Variants in GREB1L observed in about 807,000 individuals in gnomAD.
The protein encoded by GREB1L is GREB1 like retinoic acid receptor coactivator, also known as GREB1-like protein.
GREB1L carries 17 observed loss-of-function variants against 200.8 expected under a neutral mutation model. The observed-to-expected ratio is 0.08, with a 90% CI of 0.06 to 0.13. GREB1L has a LOEUF of 0.13. GREB1L is among the 10% of genes least tolerant of loss of function. GREB1L has a pLI of 1.00. For missense variants in GREB1L, 1,657 were observed against 2,367.7 expected, an observed-to-expected ratio of 0.70 and a Z score of 6.23; for synonymous variants, 789 against 893.0, an observed-to-expected ratio of 0.88 and a Z score of 2.08.
chr18:21,281,508 TC>T (rs2038268669), intron 1 of GREB1L, among the ~76,000 whole-genome samples: 1 of 152,218 alleles, frequency 6.6e-6, no homozygotes, highest in Non-Finnish European at 1.5e-5. Flanking sequence ...TACTCATGTA[TC>T]TTTTTGTTAA....
chr18:21,511,145 C>T (rs1222561759), intron 27 of GREB1L, among the ~76,000 whole-genome samples: 1 of 152,138 alleles, frequency 6.6e-6, no homozygotes, highest in Admixed American at 6.5e-5. Context: ...GAGGCCGAGG[C>T]GGGCAGATCA....
chr18:21,383,380 G>C (rs922207245), intron 2 of GREB1L, 130 bp from the exon 3 acceptor site: 2 of 665,836 alleles, frequency 3.0e-6, no homozygotes, highest in African/African-American at 1.9e-5. Flanking sequence ...AGATCTCTGG[G>C]TAGTTCATAT....
In GREB1L at chr18:21,505,513, A is replaced by G; in HGVS notation, c.4174A>G (p.Lys1392Glu). Residue 1392 changes from lysine (K) to glutamate (E), a missense_variant, in exon 24 of 33, where the codon AAG (lysine) becomes GAG (glutamate). Lys to Glu is a moderately conservative substitution (Grantham distance 56). Transcript: ENST00000424526. ...TTTTGATGTCAGTGTGCATGACCCCAAGTACAGTTTGATGAGCCTGGTGTA... is the reference window on the plus strand; with the variant it reads ...TTTTGATGTCAGTGTGCATGACCCCGAGTACAGTTTGATGAGCCTGGTGTA... ...MPFDVSVHDPKYSLMSLVYTE... is the reference protein window; with the variant it reads ...MPFDVSVHDPEYSLMSLVYTE... 1 of 1,551,734 alleles carries G rather than the reference A, an allele frequency of 6.4e-7. No individual in the cohort carries two copies. The highest frequency in any genetic ancestry group is 1.4e-5 in the African/African-American group (1 of 73,144).
intron 1 of GREB1L, among the ~76,000 whole-genome samples, chr18:21,304,032 G>GC (rs1045017371): frequency 2.2e-4 from 33 of 152,050 alleles, no homozygotes; most frequent in East Asian, 7.7e-4. Context: ...TTAGTCAGTT[G>GC]CCCCCCCATA....
chr18:21,474,487 A>G (rs1397102576), intron 16 of GREB1L, among the ~76,000 whole-genome samples: 8 of 152,130 alleles, frequency 5.3e-5, no homozygotes, highest in Non-Finnish European at 1.5e-5. Context: ...GCATACAGGC[A>G]TTTCCATACA....
chr18:21,447,527 T>G (rs1474257993), intron 11 of GREB1L, among the ~76,000 whole-genome samples: 5 of 152,216 alleles, frequency 3.3e-5, no homozygotes, highest in African/African-American at 9.6e-5. Context: ...AATGCCTTTG[T>G]GCTTTCAATT....
At chr18:21,495,637 T>A in intron 19 of GREB1L, 33 bp from the exon 20 acceptor site, 1 of 1,169,332 alleles carries the variant, frequency 8.6e-7, no homozygotes, top group Admixed American at 2.3e-5. Flanking sequence ...TAAATGAGAG[T>A]TTTAATTTTA....
chr18:21,402,558 G>A (rs1379320268), intron 6 of GREB1L, among the ~76,000 whole-genome samples: 1 of 129,240 alleles, frequency 7.7e-6, no homozygotes, highest in Non-Finnish European at 1.5e-5. Flanking sequence ...TTTCTTACAC[G>A]CTCTCACTCT....
chr18:21,281,609 T>C (rs1410463070), intron 1 of GREB1L, among the ~76,000 whole-genome samples: 3 of 152,266 alleles, frequency 2.0e-5, no homozygotes, highest in Non-Finnish European at 2.9e-5. Context: ...TAATATTTGC[T>C]ATAAACAGAC....
chr18:21,253,729 C>G (rs140100211), intron 1 of GREB1L, among the ~76,000 whole-genome samples: 1 of 151,816 alleles, frequency 6.6e-6, no homozygotes, highest in Admixed American at 6.6e-5. Context: ...TATTGCAGTT[C>G]TGCTTCAAGT....
chr18:21,374,492 C>T (rs1454989705), intron 2 of GREB1L, among the ~76,000 whole-genome samples: 2 of 152,164 alleles, frequency 1.3e-5, no homozygotes, highest in African/African-American at 4.8e-5. Context: ...GGTATTGCTT[C>T]TCAGATTTTT....
rs2037677263 is a variant in GREB1L, at chr18:21,525,806, A to AACTT, written c.*2986_*2989dup. On this transcript the variant is annotated 3_prime_UTR_variant, in exon 33 of 33. Coordinates refer to ENST00000424526, the MANE Select transcript of GREB1L (RefSeq NM_001142966.3). The stretch of plus-strand genomic sequence containing the variant: ...AATTTTACCAACTTTTGAGAATAAC[A>AACTT]ACTTTGTTGTCCCAGAAAAATGGCT... Among the ~76,000 whole-genome samples, 1 of 152,214 alleles carries AACTT rather than the reference A, an allele frequency of 6.6e-6. No individual in the cohort carries two copies. Among genetic ancestry groups the AACTT allele is most frequent in the South Asian group, 2.1e-4 (1 of 4,832 alleles).
chr18:21,481,570 C>T (rs899512807), intron 17 of GREB1L, among the ~76,000 whole-genome samples: 26 of 149,612 alleles, frequency 1.7e-4, no homozygotes, highest in African/African-American at 3.7e-4. Flanking sequence ...TTTTTACAAA[C>T]GAAACACGCC....
At chr18:21,243,416 A>G (rs192434555) in intron 1 of GREB1L, among the ~76,000 whole-genome samples, 1 of 151,430 alleles carries the variant, frequency 6.6e-6, no homozygotes, top group Non-Finnish European at 1.5e-5. Context: ...CTCCCCACCC[A>G]CTCCTCTGGC....
intron 19 of GREB1L, among the ~76,000 whole-genome samples, chr18:21,492,360 G>A (rs1352392793): frequency 2.0e-5 from 3 of 151,500 alleles, no homozygotes; most frequent in Admixed American, 6.6e-5. Flanking sequence ...AAAAAAGAAA[G>A]AAAAAGAAAA....
intron 18 of GREB1L, among the ~76,000 whole-genome samples, chr18:21,489,002 A>G (rs751083020): frequency 6.6e-6 from 1 of 152,152 alleles, no homozygotes; most frequent in African/African-American, 2.4e-5. Flanking sequence ...CAGCAGAAGT[A>G]CTGCTGGGCA....
At chr18:21,349,957 G>A (rs1318820930) in intron 1 of GREB1L, among the ~76,000 whole-genome samples, 2 of 152,282 alleles carry the variant, frequency 1.3e-5, no homozygotes, top group South Asian at 2.1e-4. Context: ...AAAGGTTGGG[G>A]ACTGCTGCTT....
At chr18:21,400,557 A>G (rs1438366004) in intron 5 of GREB1L, among the ~76,000 whole-genome samples, 1 of 152,228 alleles carries the variant, frequency 6.6e-6, no homozygotes, top group East Asian at 1.9e-4. Flanking sequence ...CTTAGCTTAC[A>G]TGTGGCTGAC....
intron 15 of GREB1L, among the ~76,000 whole-genome samples, chr18:21,458,362 T>A (rs1322362996): frequency 6.6e-6 from 1 of 152,142 alleles, no homozygotes; most frequent in Non-Finnish European, 1.5e-5. Context: ...GATGTTTGAA[T>A]GGAGGGCTAG....
Sources: gnomAD v4.1 joint callset for allele counts (sites outside exome capture counted in the v4.1 genomes callset) on GRCh38, gnomAD v4.1.1 for gene constraint, MANE v1.5 for transcripts, NCBI Gene and HGNC (gene_info 2026-07-23, HGNC 2026-07-21) for gene names.